The following SLC4A4 variants were observed in gnomAD, a reference collection of about 807,000 sequenced individuals.
SLC4A4 encodes electrogenic sodium bicarbonate cotransporter 1.
SLC4A4 carries 27 observed loss-of-function variants against 111.5 expected under a neutral mutation model. The ratio of observed to expected loss-of-function variants is 0.24; its 90% confidence interval spans 0.18 to 0.33. The LOEUF is 0.33. SLC4A4 is among the 10% of genes least tolerant of loss of function. The pLI is 1.00. For synonymous variants in SLC4A4, 443 were observed against 463.4 expected, an observed-to-expected ratio of 0.96 and a Z score of 0.57; for missense variants, 909 against 1,315.5, an observed-to-expected ratio of 0.69 and a Z score of 4.78.
intron 2 of SLC4A4, among the ~76,000 whole-genome samples, chr4:71,244,528 A>T (rs537442129): frequency 1.3e-5 from 2 of 152,150 alleles, no homozygotes; most frequent in Admixed American, 6.5e-5. Flanking sequence ...ACTTTTTTCT[A>T]GGAATATAAG....
chr4:71,480,929 A>G (rs1330051323), intron 14 of SLC4A4, among the ~76,000 whole-genome samples: 1 of 151,760 alleles, frequency 6.6e-6, no homozygotes, highest in Non-Finnish European at 1.5e-5. Flanking sequence ...AAATCTTGAG[A>G]GATAGCTGAC....
intron 2 of SLC4A4, among the ~76,000 whole-genome samples, chr4:71,099,087 C>A (rs1742642429): frequency 6.6e-6 from 1 of 152,134 alleles, no homozygotes; most frequent in Non-Finnish European, 1.5e-5. Flanking sequence ...AGGATCTGAA[C>A]TCAACATTGG....
In SLC4A4 at chr4:71,426,295, T is replaced by G. The variant is rs542540868; in HGVS notation, c.808-14321T>G. ...TTTTCAGGTTAACTTTGGAATGCCC[T>G]TGGCCAAGAGGAGGGGTCCATTTAG... is the stretch of plus-strand genomic sequence containing the variant. On this transcript the variant is annotated intron_variant, in intron 7 of 25. Transcript: ENST00000264485. 4.6e-5 allele frequency among the ~76,000 whole-genome samples: 7 copies of G among 152,186 alleles called. No individual in the cohort carries two copies. The South Asian group carries it at 1.5e-3, about 32-fold the overall frequency.
intron 7 of SLC4A4, among the ~76,000 whole-genome samples, chr4:71,420,999 T>C (rs1405896348): frequency 6.7e-6 from 1 of 148,208 alleles, no homozygotes; most frequent in Admixed American, 6.9e-5. Context: ...TAACTTTAAA[T>C]GTAAATGGAC....
chr4:71,421,456 G>A (rs950025265), intron 7 of SLC4A4, among the ~76,000 whole-genome samples: 1 of 152,092 alleles, frequency 6.6e-6, no homozygotes, highest in Admixed American at 6.5e-5. Context: ...GGATATCCAG[G>A]AATTGAATTC....
chr4:71,345,109 A>G (rs1023292995), intron 4 of SLC4A4, among the ~76,000 whole-genome samples: 4 of 152,156 alleles, frequency 2.6e-5, no homozygotes, highest in Non-Finnish European at 5.9e-5. Context: ...TTCTTCCAAA[A>G]TAGAGCACAA....
intron 3 of SLC4A4, 152 bp from the exon 4 acceptor site, chr4:71,339,218 G>T (rs765973246): frequency 6.2e-7 from 1 of 1,614,170 alleles, no homozygotes; most frequent in Non-Finnish European, 8.5e-7. Flanking sequence ...TTTGGCTTTA[G>T]ATTGGGGATT....
chr4:71,068,004 T>G (rs1245903253), intron 1 of SLC4A4, among the ~76,000 whole-genome samples: 1 of 151,978 alleles, frequency 6.6e-6, no homozygotes, highest in African/African-American at 2.4e-5. Context: ...CTGCCTTCGC[T>G]TCCCATAGTG....
chr4:71,173,751 A>G (rs1745009283), intron 2 of SLC4A4, among the ~76,000 whole-genome samples: 1 of 152,080 alleles, frequency 6.6e-6, no homozygotes, highest in Admixed American at 6.6e-5. Context: ...TCAACTCCAA[A>G]CTCCCTCAAA....
At chr4:71,236,991 T>C (rs923231896) in intron 2 of SLC4A4, among the ~76,000 whole-genome samples, 1 of 152,258 alleles carries the variant, frequency 6.6e-6, no homozygotes, top group African/African-American at 2.4e-5. Context: ...TCGATTTATA[T>C]AAATATATTC....
intron 7 of SLC4A4, among the ~76,000 whole-genome samples, chr4:71,419,167 G>A (rs1185775544): frequency 6.6e-6 from 1 of 152,224 alleles, no homozygotes; most frequent in Non-Finnish European, 1.5e-5. Flanking sequence ...TGAGGAGGCA[G>A]TCTGCCCGTT....
chr4:71,389,995 A>T (rs554361044), intron 6 of SLC4A4, among the ~76,000 whole-genome samples: 64 of 152,354 alleles, frequency 4.2e-4, no homozygotes, highest in African/African-American at 1.4e-3. Context: ...CTTCTGACTG[A>T]TGATATGTTT....
chr4:71,083,508 G>A (rs1401925688), intron 1 of SLC4A4, among the ~76,000 whole-genome samples: 4 of 151,860 alleles, frequency 2.6e-5, no homozygotes, highest in Non-Finnish European at 4.4e-5. Context: ...AGGTAAAACA[G>A]AAGCTGTCTT....
chr4:71,162,460 A>G (rs1329193810), intron 2 of SLC4A4, among the ~76,000 whole-genome samples: 4 of 152,166 alleles, frequency 2.6e-5, no homozygotes, highest in Non-Finnish European at 5.9e-5. Context: ...TAATCAGACA[A>G]TTCCAAGGTT....
At chr4:71,415,159 A>G (rs1721721742) in intron 7 of SLC4A4, among the ~76,000 whole-genome samples, 1 of 152,226 alleles carries the variant, frequency 6.6e-6, no homozygotes, top group Non-Finnish European at 1.5e-5. Flanking sequence ...GGTAGAATGA[A>G]CTTACCTAGG....
At chr4:71,102,826 G>A (rs964414947) in intron 2 of SLC4A4, among the ~76,000 whole-genome samples, 4 of 151,638 alleles carry the variant, frequency 2.6e-5, no homozygotes, top group Non-Finnish European at 4.4e-5. Flanking sequence ...ATGCCAAAAT[G>A]TAAAGACCAT....
intron 16 of SLC4A4, among the ~76,000 whole-genome samples, chr4:71,517,590 C>A (rs1170956226): frequency 6.6e-6 from 1 of 151,944 alleles, no homozygotes; most frequent in Admixed American, 6.6e-5. Flanking sequence ...ATTTTGAATT[C>A]TTCGATAGTT....
chr4:71,462,415 CTTTT>C (rs869306669), intron 12 of SLC4A4, among the ~76,000 whole-genome samples: 26 of 121,894 alleles, frequency 2.1e-4, no homozygotes, highest in African/African-American at 6.0e-4. Flanking sequence ...ACCTCCTCAT[CTTTT>C]TTTTTTTTTT....
At chr4:71,500,126 G>C (rs996959381) in intron 16 of SLC4A4, among the ~76,000 whole-genome samples, 4 of 152,130 alleles carry the variant, frequency 2.6e-5, no homozygotes, top group African/African-American at 9.7e-5. Context: ...ATCCCAACAG[G>C]TGTGAGGTCA....
Sources: allele counts gnomAD v4.1 joint callset (sites outside exome capture counted in the v4.1 genomes callset), GRCh38; gene constraint gnomAD v4.1.1; transcripts MANE v1.5; gene names NCBI Gene and HGNC (gene_info 2026-07-23, HGNC 2026-07-21).